The following QRSL1 variants were observed in gnomAD, a reference collection of about 807,000 sequenced individuals.
The protein encoded by QRSL1 is glutaminyl-tRNA amidotransferase subunit QRSL1, also known as glutamyl-tRNA(Gln) amidotransferase subunit A, mitochondrial.
In QRSL1, 54 loss-of-function variants were observed where a neutral mutation model predicts 61.6. The observed-to-expected ratio is 0.88, with a 90% CI of 0.70 to 1.10. QRSL1 has a LOEUF of 1.10. Among genes scored for constraint, QRSL1 ranks in the 50% least tolerant of loss-of-function variants. The pLI, the probability that QRSL1 is intolerant of heterozygous loss-of-function variation, is 0.00. For synonymous variants in QRSL1, 228 were observed against 225.7 expected, an observed-to-expected ratio of 1.01 and a Z score of -0.09; for missense variants, 505 against 622.6, an observed-to-expected ratio of 0.81 and a Z score of 2.01.
chr6:106,636,096 C>T (rs1776914920), intron 1 of QRSL1, among the ~76,000 whole-genome samples: 2 of 152,154 alleles, frequency 1.3e-5, no homozygotes, highest in Admixed American at 1.3e-4. Context: ...AAAGGAGATG[C>T]TCACTGGAGC....
chr6:106,648,227 C>T (rs557765964), intron 4 of QRSL1, among the ~76,000 whole-genome samples: 49 of 151,520 alleles, frequency 3.2e-4, no homozygotes, highest in Non-Finnish European at 1.2e-4. Context: ...ATCTGGGAGG[C>T]GGAGGTTGCA....
chr6:106,665,678 TA>T, intron 10 of QRSL1, 103 bp from the exon 11 acceptor site: 2 of 987,470 alleles, frequency 2.0e-6, no homozygotes, highest in Non-Finnish European at 3.2e-6. Context: ...GGTTGTTTTT[TA>T]AACCTTATCC....
intron 9 of QRSL1, among the ~76,000 whole-genome samples, chr6:106,658,645 G>C (rs1418589229): frequency 6.6e-6 from 1 of 151,862 alleles, no homozygotes; most frequent in Non-Finnish European, 1.5e-5. Context: ...TGAGAAGTCT[G>C]TTGTCATTCT....
intron 9 of QRSL1, among the ~76,000 whole-genome samples, chr6:106,657,550 G>A (rs1777290933): frequency 6.6e-6 from 1 of 152,110 alleles, no homozygotes; most frequent in African/African-American, 2.4e-5. Context: ...ATCACCATTT[G>A]GGGGTTCTGA....
At position 106,666,261 on chromosome 6, in the gene QRSL1, G is replaced by A. The variant is rs1336234231; in HGVS notation, c.*259G>A. On this transcript the variant is annotated 3_prime_UTR_variant, in exon 11 of 11. Coordinates refer to ENST00000369046, the MANE Select transcript of QRSL1 (RefSeq NM_018292.5). ...CTGGAGGTGGAGGTTGCAGTGAGCC[G>A]AGATCATGCCACTGCACTGCACTCC... 1 of 439,866 alleles carries A rather than the reference G, an allele frequency of 2.3e-6. No homozygotes were observed. The highest frequency in any genetic ancestry group is 4.2e-6 in the Non-Finnish European group (1 of 237,840). The allele number at this position is 439,866 out of a possible 1,614,324, so 27.2% of individuals were successfully genotyped here.
chr6:106,651,171 CT>C (rs2114710574), intron 5 of QRSL1, among the ~76,000 whole-genome samples: 1 of 152,152 alleles, frequency 6.6e-6, no homozygotes, highest in African/African-American at 2.4e-5. Context: ...TAGTATTTGT[CT>C]TTCTGTGACT....
chr6:106,661,196 C>T (rs534920888), intron 9 of QRSL1, among the ~76,000 whole-genome samples: 138 of 152,200 alleles, frequency 9.1e-4, no homozygotes, highest in African/African-American at 3.1e-3. Flanking sequence ...CTGCATCCTC[C>T]ACCTCCTGGG....
chr6:106,647,602 C>T (rs956980435), intron 4 of QRSL1, among the ~76,000 whole-genome samples: 2 of 147,088 alleles, frequency 1.4e-5, no homozygotes, highest in Non-Finnish European at 3.0e-5. Flanking sequence ...AAATGGAAGA[C>T]CTGACTCTAG....
chr6:106,631,334 C>T (rs1776826745), intron 1 of QRSL1, among the ~76,000 whole-genome samples: 1 of 152,140 alleles, frequency 6.6e-6, no homozygotes, highest in African/African-American at 2.4e-5. Context: ...CTGCCTTTTC[C>T]ACTGTCAATC....
chr6:106,639,116 G>GTTTTTTTTTTTTTTTTTTTTTT (rs1554200732), intron 1 of QRSL1, among the ~76,000 whole-genome samples: 3 of 54,362 alleles, frequency 5.5e-5, no homozygotes, highest in Admixed American at 1.9e-4. Flanking sequence ...TGTGTGTTTT[G>GTTTTTTTTTTTTTTTTTTTTTT]TTGTTTTTTT....
At chr6:106,655,185 T>C (rs1048088784) in intron 8 of QRSL1, among the ~76,000 whole-genome samples, 16 of 152,160 alleles carry the variant, frequency 1.1e-4, no homozygotes, top group African/African-American at 3.9e-4. Flanking sequence ...CCCGCTAATG[T>C]AGAGCTCAAT....
intron 4 of QRSL1, among the ~76,000 whole-genome samples, chr6:106,647,691 C>T (rs1410636839): frequency 9.0e-6 from 1 of 111,490 alleles, no homozygotes; most frequent in Admixed American, 1.1e-4. Context: ...CGCTCTGTCA[C>T]CCAGGCTAGA....
At chr6:106,655,321 G>A (rs2114713375) in intron 8 of QRSL1, among the ~76,000 whole-genome samples, 1 of 152,060 alleles carries the variant, frequency 6.6e-6, no homozygotes, top group Middle Eastern at 3.4e-3. Context: ...ACCATTAAGG[G>A]CAACTCCCTA....
intron 1 of QRSL1, among the ~76,000 whole-genome samples, chr6:106,636,467 C>T (rs900384697): frequency 1.3e-5 from 2 of 152,056 alleles, no homozygotes; most frequent in Admixed American, 1.3e-4. Flanking sequence ...ACTACAGATG[C>T]ACGCCACCAC....
At chr6:106,645,584 G>A (rs906654692) in intron 4 of QRSL1, among the ~76,000 whole-genome samples, 35 of 151,922 alleles carry the variant, frequency 2.3e-4, no homozygotes, top group African/African-American at 8.0e-4. Context: ...CACCACGCCC[G>A]GCTAATTTTT....
intron 4 of QRSL1, among the ~76,000 whole-genome samples, chr6:106,643,756 T>C (rs1777062685): frequency 1.3e-5 from 2 of 152,202 alleles, no homozygotes; most frequent in African/African-American, 4.8e-5. Context: ...TTTGCAAATA[T>C]TTTCTTCAAG....
chr6:106,634,318 C>T (rs1390900696), intron 1 of QRSL1, among the ~76,000 whole-genome samples: 4 of 152,140 alleles, frequency 2.6e-5, no homozygotes, highest in South Asian at 2.1e-4. Context: ...TGTGGAGAAC[C>T]TTTGAGGCCA....
At chr6:106,644,138 C>T (rs548561125) in intron 4 of QRSL1, among the ~76,000 whole-genome samples, 2 of 152,204 alleles carry the variant, frequency 1.3e-5, no homozygotes, top group Non-Finnish European at 2.9e-5. Flanking sequence ...TCTCAAAGTG[C>T]TGGGATTACA....
chr6:106,634,904 G>A (rs1222497249), intron 1 of QRSL1, among the ~76,000 whole-genome samples: 2 of 152,148 alleles, frequency 1.3e-5, no homozygotes, highest in Non-Finnish European at 2.9e-5. Context: ...AAGAATCAAG[G>A]AGGATACTTA....
Sources: allele counts gnomAD v4.1 joint callset (sites outside exome capture counted in the v4.1 genomes callset), GRCh38; gene constraint gnomAD v4.1.1; transcripts MANE v1.5; gene names NCBI Gene and HGNC (gene_info 2026-07-23, HGNC 2026-07-21).